Variants in STOX2 observed in about 807,000 individuals in gnomAD.
STOX2 encodes storkhead box 2, also known as storkhead-box protein 2.
Under a neutral mutation model 60.9 loss-of-function variants are expected in STOX2, and 28 were observed. That is an observed-to-expected ratio of 0.46 (90% CI 0.34 to 0.63). STOX2 has a LOEUF of 0.63. Ranked by LOEUF, STOX2 falls within the 30% of genes least tolerant of loss-of-function variation. STOX2 has a pLI of 0.01. For missense variants in STOX2, 1,024 were observed against 1,187.7 expected, an observed-to-expected ratio of 0.86 and a Z score of 2.03; for synonymous variants, 472 against 463.9, an observed-to-expected ratio of 1.02 and a Z score of -0.22.
At chr4:183,975,635 C>A (rs539357358) in intron 1 of STOX2, among the ~76,000 whole-genome samples, 4 of 152,120 alleles carry the variant, frequency 2.6e-5, no homozygotes, top group African/African-American at 9.7e-5. Context: ...CCCTTTATAT[C>A]TCAATAAATT....
At position 183,923,092 on chromosome 4, in the gene STOX2, T is replaced by C. The variant is rs575306578; in HGVS notation, c.166+16136T>C. On this transcript the variant is annotated intron_variant, in intron 1 of 3. Transcript: ENST00000308497. ...TGAAGAATGCTGCTGTGCACACAGG[T>C]GTACAAAGAACTGGCAAGTCCCTGC... is the stretch of plus-strand genomic sequence containing the variant. Among the ~76,000 whole-genome samples the C allele has an allele frequency of 2.6e-5, 4 of 152,370 alleles. No individual in the cohort carries two copies. The South Asian group carries it at 8.3e-4, about 32-fold the overall frequency.
intron 1 of STOX2, among the ~76,000 whole-genome samples, chr4:183,918,596 A>G (rs1350369205): frequency 6.6e-6 from 1 of 152,252 alleles, no homozygotes; most frequent in Non-Finnish European, 1.5e-5. Context: ...GACATCTTTC[A>G]AGGCCAGTTT....
chr4:183,889,292 A>G (rs1741154299), intron 1 of STOX2, among the ~76,000 whole-genome samples: 1 of 151,986 alleles, frequency 6.6e-6, no homozygotes, highest in African/African-American at 2.4e-5. Flanking sequence ...AAAAAGGGGA[A>G]ACTGGGACAC....
At chr4:183,912,315 C>T (rs560991359) in intron 1 of STOX2, among the ~76,000 whole-genome samples, 70 of 152,222 alleles carry the variant, frequency 4.6e-4, no homozygotes, top group Non-Finnish European at 8.8e-4. Context: ...CCATCCATCA[C>T]GCCTGTGGAT....
chr4:183,875,038 A>C (rs1299043078), intron 1 of STOX2, among the ~76,000 whole-genome samples: 1 of 107,034 alleles, frequency 9.3e-6, no homozygotes, highest in Non-Finnish European at 1.9e-5. Flanking sequence ...ATGTTGTGGG[A>C]TAGCTTTGGT....
chr4:183,829,851 A>G (rs1026508537), intron 1 of STOX2, among the ~76,000 whole-genome samples: 1 of 152,182 alleles, frequency 6.6e-6, no homozygotes, highest in African/African-American at 2.4e-5. Flanking sequence ...TCTCCTGGCC[A>G]AGGAACTTAC....
At position 183,865,237 on chromosome 4, in the gene STOX2, T is replaced by C. The variant is rs534606088; in HGVS notation, c.364+67182T>C. Among the ~76,000 whole-genome samples, 2 of 152,346 alleles carry C rather than the reference T, an allele frequency of 1.3e-5. No homozygotes were observed. Among genetic ancestry groups the C allele is most frequent in the Non-Finnish European group, 2.9e-5 (2 of 68,026 alleles). ...GGCTTTGTACACAGCACAAACTCCA[T>C]TGAATGAAAAAAATAGTTTATATTT... On this transcript the variant is annotated intron_variant, in intron 1 of 2. Transcript: ENST00000513034. This position sits in a 1 kb window ranked among gnomAD's most constrained non-coding sequence, Gnocchi z 4.1.
chr4:184,009,994 G>C lies in STOX2; in HGVS notation c.1156G>C (p.Gly386Arg). The C allele has an allele frequency of 6.2e-7, 1 of 1,613,862 alleles. No homozygotes were observed. Among genetic ancestry groups the C allele is most frequent in the Non-Finnish European group, 8.5e-7 (1 of 1,179,858 alleles). The change falls in exon 3 of 4, where the codon GGT (glycine) becomes CGT (arginine). Residue 386 changes from glycine to arginine, a missense_variant. Around this residue, in one of 3 missense-constraint regions of STOX2, gnomAD observed 922 missense variants for 1,058.3 expected, o/e 0.87. Transcript: ENST00000308497. The surrounding 1 kb of genome is among the most constrained non-coding windows in gnomAD (Gnocchi z 4.0). ...TRVSKGDPSD[G>R]SHLDIPAERE... The stretch of plus-strand genomic sequence containing the variant: ...GGTGTCTAAAGGAGACCCTTCCGAC[G>C]GTTCACATCTGGATATCCCAGCTGA...
intron 1 of STOX2, among the ~76,000 whole-genome samples, chr4:183,870,527 T>C (rs1324781659): frequency 6.6e-6 from 1 of 152,242 alleles, no homozygotes; most frequent in African/African-American, 2.4e-5. Context: ...ATATTGTTTA[T>C]TGGGACAATG....
intron 1 of STOX2, among the ~76,000 whole-genome samples, chr4:183,841,688 G>GA (rs371848269): frequency 1.2e-4 from 19 of 152,178 alleles, no homozygotes; most frequent in African/African-American, 4.6e-4. Flanking sequence ...AATAGAGACA[G>GA]AAAAAAATAC....
intron 1 of STOX2, among the ~76,000 whole-genome samples, chr4:183,826,018 T>C (rs1476818020): frequency 2.0e-5 from 3 of 152,036 alleles, no homozygotes; most frequent in Non-Finnish European, 4.4e-5. Flanking sequence ...AATCTAGAAG[T>C]TCTCAGTTTT....
At chr4:183,807,166 G>C (rs1036029153) in intron 1 of STOX2, among the ~76,000 whole-genome samples, 2 of 152,038 alleles carry the variant, frequency 1.3e-5, no homozygotes, top group African/African-American at 4.8e-5. Context: ...TAGAGACGGG[G>C]TTTCACCGCG....
chr4:183,981,803 G>A (rs894171229), intron 1 of STOX2, among the ~76,000 whole-genome samples: 11 of 152,204 alleles, frequency 7.2e-5, no homozygotes, highest in Admixed American at 2.6e-4. Flanking sequence ...GGGCGCAGTG[G>A]CTGACGTCTG....
chr4:183,899,416 T>G (rs908440798), intron 1 of STOX2, among the ~76,000 whole-genome samples: 2 of 152,190 alleles, frequency 1.3e-5, no homozygotes, highest in African/African-American at 4.8e-5. Flanking sequence ...GTCAGCCAAG[T>G]TATGAATGCC....
chr4:183,911,429 C>G (rs1741779873), intron 1 of STOX2, among the ~76,000 whole-genome samples: 1 of 152,130 alleles, frequency 6.6e-6, no homozygotes, highest in South Asian at 2.1e-4. Flanking sequence ...CCTAGCCGCT[C>G]CAACTGTGTT....
At chr4:183,893,479 T>C (rs1165583837) in intron 1 of STOX2, among the ~76,000 whole-genome samples, 2 of 152,204 alleles carry the variant, frequency 1.3e-5, no homozygotes, top group Non-Finnish European at 2.9e-5. Flanking sequence ...GTCTGGGTGA[T>C]GCAAGTGATG....
chr4:183,849,904 TTTTTCAGATATAACCAG>T (rs1484294707), intron 1 of STOX2, among the ~76,000 whole-genome samples: 1 of 152,194 alleles, frequency 6.6e-6, no homozygotes, highest in Non-Finnish European at 1.5e-5. Context: ...TTTCCTAATG[TTTTTCAGATATAACCAG>T]TTTCTCCCAA....
intron 1 of STOX2, among the ~76,000 whole-genome samples, chr4:183,834,936 A>G (rs1739666303): frequency 6.6e-6 from 1 of 152,170 alleles, no homozygotes; most frequent in Non-Finnish European, 1.5e-5. Flanking sequence ...GAACCTGTGG[A>G]TGAGCCAAGA....
At chr4:183,916,158 G>T (rs1741925534) in intron 1 of STOX2, among the ~76,000 whole-genome samples, 1 of 152,230 alleles carries the variant, frequency 6.6e-6, no homozygotes, top group South Asian at 2.1e-4. Context: ...TGGTGGTGTG[G>T]CATGATGGCG....
Sources: gnomAD v4.1 joint callset for allele counts (sites outside exome capture counted in the v4.1 genomes callset) on GRCh38, gnomAD v4.1.1 for gene constraint, gnomAD v4.1.1 regional missense constraint, Gnocchi (gnomAD v3.1) non-coding constraint, MANE v1.5 for transcripts, NCBI Gene and HGNC (gene_info 2026-07-23, HGNC 2026-07-21) for gene names.